BBX: variants seen among roughly 807,000 people sequenced by gnomAD.
The protein encoded by BBX is BBX high mobility group box domain containing, also known as HMG box transcription factor BBX.
In BBX, 30 loss-of-function variants were observed where a neutral mutation model predicts 100.2. The ratio of observed to expected loss-of-function variants is 0.30; its 90% CI spans 0.22 to 0.41. BBX has a LOEUF of 0.41. Among genes scored for constraint, BBX ranks in the 10% least tolerant of loss-of-function variants. BBX has a pLI of 1.00. For synonymous variants in BBX, 376 were observed against 388.1 expected (o/e 0.97, Z 0.37); for missense variants, 1,023 against 1,129.8 (o/e 0.91, Z 1.35).
At chr3:107,792,319 TTTGA>T (rs1416929562) in intron 15 of BBX, among the ~76,000 whole-genome samples, 1 of 152,240 alleles carries the variant, frequency 6.6e-6, no homozygotes, top group African/African-American at 2.4e-5. Context: ...TTTCAACTCC[TTTGA>T]TTCACTTATA....
chr3:107,611,212 G>A (rs1401663266), intron 2 of BBX, among the ~76,000 whole-genome samples: 1 of 152,010 alleles, frequency 6.6e-6, no homozygotes, highest in East Asian at 1.9e-4. Flanking sequence ...GTCTTGAAAA[G>A]TTGTTGTATT....
intron 3 of BBX, among the ~76,000 whole-genome samples, chr3:107,697,828 G>T (rs1467804212): frequency 6.6e-6 from 1 of 151,888 alleles, no homozygotes; most frequent in African/African-American, 2.4e-5. Flanking sequence ...ATCTCAGACT[G>T]CTGTGCTAGC....
At chr3:107,735,072 G>A (rs1008387157) in intron 7 of BBX, among the ~76,000 whole-genome samples, 1 of 152,036 alleles carries the variant, frequency 6.6e-6, no homozygotes, top group African/African-American at 2.4e-5. Context: ...AGATATTTGG[G>A]TCATTATTGA....
intron 13 of BBX, among the ~76,000 whole-genome samples, chr3:107,784,136 C>T (rs1374258938): frequency 1.3e-5 from 2 of 151,972 alleles, no homozygotes; most frequent in Non-Finnish European, 2.9e-5. Flanking sequence ...AACCCTACTG[C>T]CATCAAGATT....
chr3:107,645,627 AC>A (rs1405703714), intron 2 of BBX, among the ~76,000 whole-genome samples: 1 of 151,964 alleles, frequency 6.6e-6, no homozygotes, highest in Non-Finnish European at 1.5e-5. Context: ...AATTTTAGTG[AC>A]TGTCTTTTTG....
At position 107,806,565 on chromosome 3, in the gene BBX, T is replaced by C. The variant is rs2071080901; in HGVS notation, c.*1108T>C. ...TGTTTAGGAGGTACTGAGTCAATGATGAGGGAGGTATGCCTGACCAGAGTG... is the reference window on the plus strand; with the variant it reads ...TGTTTAGGAGGTACTGAGTCAATGACGAGGGAGGTATGCCTGACCAGAGTG... On this transcript the variant is annotated 3_prime_UTR_variant, in exon 18 of 18. Coordinates refer to ENST00000325805, the MANE Select transcript of BBX (RefSeq NM_001142568.3). 1 of 152,200 alleles carries C rather than the reference T, an allele frequency of 6.6e-6. No homozygotes were observed. The highest frequency in any genetic ancestry group is 1.9e-4 in the East Asian group (1 of 5,202). 9.4% of individuals were successfully genotyped at this position (152,200 alleles called of 1,614,324 possible).
chr3:107,710,740 TC>T, intron 4 of BBX, 118 bp downstream of exon 4: 1 of 899,362 alleles, frequency 1.1e-6, no homozygotes, highest in Non-Finnish European at 1.6e-6. Context: ...ATAGCTTGAA[TC>T]CTATTCAATT....
At chr3:107,603,246 G>C (rs2054189543) in intron 2 of BBX, among the ~76,000 whole-genome samples, 1 of 152,096 alleles carries the variant, frequency 6.6e-6, no homozygotes, top group African/African-American at 2.4e-5. Flanking sequence ...TTACAGGCGT[G>C]AGCCACTGTG....
At chr3:107,570,811 A>C (rs769832105) in intron 2 of BBX, among the ~76,000 whole-genome samples, 64 of 152,064 alleles carry the variant, frequency 4.2e-4, no homozygotes, top group Non-Finnish European at 8.8e-4. Context: ...TGGAGACTGA[A>C]GGAACAGACA....
intron 13 of BBX, among the ~76,000 whole-genome samples, chr3:107,785,169 G>T (rs2068281939): frequency 1.4e-5 from 2 of 147,864 alleles, no homozygotes; most frequent in Non-Finnish European, 3.0e-5. Context: ...AATTTTTAAA[G>T]TATCTGGGGG....
In BBX at chr3:107,583,967, TA is replaced by T. The variant is rs63688163; in HGVS notation, c.-84+57570del. 1.3e-3 allele frequency among the ~76,000 whole-genome samples: 75 copies of T among 56,386 alleles called. 1 individual carries two copies. Among genetic ancestry groups the T allele is most frequent in the African/African-American group, 3.8e-3 (35 of 9,254 alleles). The allele number at this position is 56,386 out of a possible 152,430, so 37.0% of individuals were successfully genotyped here. On this transcript the variant is annotated intron_variant, in intron 2 of 17. Coordinates refer to ENST00000325805, the MANE Select transcript of BBX (RefSeq NM_001142568.3). ...ATATATTATTATATTATATATATTA[TA>T]TATATTATTATATTATTATATATTA...
intron 2 of BBX, among the ~76,000 whole-genome samples, chr3:107,590,661 C>A (rs139705036): frequency 1.3e-5 from 2 of 152,312 alleles, no homozygotes; most frequent in African/African-American, 4.8e-5. Flanking sequence ...TTACCCATCC[C>A]TCTCTTATTT....
chr3:107,806,068 A>G lies in BBX; in HGVS notation c.*611A>G, dbSNP rs1268985139. 2 of 151,658 alleles carry G rather than the reference A, an allele frequency of 1.3e-5. No homozygotes were observed. The highest frequency in any genetic ancestry group is 2.9e-5 in the Non-Finnish European group (2 of 67,948). 9.4% of individuals were successfully genotyped at this position (151,658 alleles called of 1,614,324 possible). On this transcript the variant is annotated 3_prime_UTR_variant, in exon 18 of 18. Coordinates refer to ENST00000325805, the MANE Select transcript of BBX (RefSeq NM_001142568.3). ...TGGTGTATGCTCGGCCTCGTGGTCC[A>G]TATATTCTGCACTTTTATATTTGCC...
At position 107,716,630 on chromosome 3, in the gene BBX, C is replaced by T; in HGVS notation, c.186C>T (p.Gly62=). ...IDKVQLLGAD[G]LEQDVGETED... ...AGGTTCAACTTCTTGGGGCCGATGG[C>T]CTAGAGCAAGATGTTGGTGAAACTG... Residue 62 remains glycine, a synonymous_variant, in exon 5 of 18, where the codon GGC becomes GGT. Transcript: ENST00000325805. 1 of 1,613,664 alleles carries T rather than the reference C, an allele frequency of 6.2e-7. No homozygotes were observed. The highest frequency in any genetic ancestry group is 2.2e-5 in the East Asian group (1 of 44,866).
intron 2 of BBX, among the ~76,000 whole-genome samples, chr3:107,594,688 CA>C (rs2107601702): frequency 1.3e-5 from 2 of 152,170 alleles, no homozygotes; most frequent in South Asian, 4.2e-4. Context: ...TAGTATTTAC[CA>C]CATCATAGGA....
At chr3:107,649,761 T>C (rs755230674) in intron 3 of BBX, among the ~76,000 whole-genome samples, 5 of 152,196 alleles carry the variant, frequency 3.3e-5, no homozygotes, top group Non-Finnish European at 7.3e-5. Context: ...GGAAGTGGCT[T>C]TATCCTTACT....
At chr3:107,590,037 T>G (rs1051359508) in intron 2 of BBX, among the ~76,000 whole-genome samples, 6 of 152,210 alleles carry the variant, frequency 3.9e-5, no homozygotes, top group African/African-American at 1.2e-4. Flanking sequence ...ACATCACATG[T>G]GTAACATACT....
At chr3:107,594,833 G>T (rs2053570737) in intron 2 of BBX, among the ~76,000 whole-genome samples, 1 of 152,134 alleles carries the variant, frequency 6.6e-6, no homozygotes, top group African/African-American at 2.4e-5. Context: ...TTGATAACTG[G>T]CATGTGCTAA....
rs951514017 is a variant in BBX at position 107,532,430 on chromosome 3, G to A, written c.-84+6032G>A. On this transcript the variant is annotated intron_variant, in intron 2 of 17. Coordinates refer to ENST00000325805, the MANE Select transcript of BBX (RefSeq NM_001142568.3). ...AACACATGGAAAATTGTAAATTATG[G>A]TACTTTAATTGTTCTAATTGGGGTG... Among the ~76,000 whole-genome samples, 14 of 152,150 alleles carry A rather than the reference G, an allele frequency of 9.2e-5. 1 individual carries two copies. In the Middle Eastern group the frequency reaches 0.013, roughly 138 times the overall value.
Sources: gnomAD v4.1 joint callset for allele counts (sites outside exome capture counted in the v4.1 genomes callset) on GRCh38, gnomAD v4.1.1 for gene constraint, MANE v1.5 for transcripts, NCBI Gene and HGNC (gene_info 2026-07-23, HGNC 2026-07-21) for gene names.